HECTD4: variants seen among roughly 807,000 people sequenced by gnomAD.
The protein encoded by HECTD4 is HECT domain E3 ubiquitin protein ligase 4.
In HECTD4, 114 loss-of-function variants were observed where a neutral mutation model predicts 471.5. That is an observed-to-expected ratio of 0.24 (90% CI 0.21 to 0.28). The LOEUF is 0.28. HECTD4 is among the 10% of genes least tolerant of loss of function. The pLI is 1.00. For missense variants in HECTD4, 3,866 were observed against 5,651.5 expected (o/e 0.68, Z 10.13); for synonymous variants, 2,012 against 2,256.0 (o/e 0.89, Z 3.07).
intron 1 of HECTD4, among the ~76,000 whole-genome samples, chr12:112,336,997 G>A (rs2035969862): frequency 6.6e-6 from 1 of 152,182 alleles, no homozygotes; most frequent in Admixed American, 6.5e-5. Flanking sequence ...TAATGTAAAT[G>A]ACACACAAGA....
At chr12:112,377,272 T>TAA (rs898563634) in intron 1 of HECTD4, among the ~76,000 whole-genome samples, 32 of 143,084 alleles carry the variant, frequency 2.2e-4, no homozygotes, top group Non-Finnish European at 1.5e-5. Flanking sequence ...CCAACTCTAA[T>TAA]AAAAAAAAAA....
At chr12:112,309,722 T>A in intron 4 of HECTD4, 53 bp from the exon 5 acceptor site, 1 of 825,806 alleles carries the variant, frequency 1.2e-6, no homozygotes, top group Non-Finnish European at 1.9e-6. Flanking sequence ...CTATTGAAAT[T>A]ATAAACATGC....
At chr12:112,301,243 C>T (rs1239182636) in intron 7 of HECTD4, among the ~76,000 whole-genome samples, 4 of 151,004 alleles carry the variant, frequency 2.6e-5, no homozygotes, top group East Asian at 2.0e-4. Flanking sequence ...AGTGCAATAG[C>T]GCGATCTCAG....
At chr12:112,167,968 G>T in intron 70 of HECTD4, 51 bp from the exon 71 acceptor site, 1 of 1,377,636 alleles carries the variant, frequency 7.3e-7, no homozygotes, top group Non-Finnish European at 1.0e-6. Flanking sequence ...GGCGGGAGGC[G>T]ACACCGTTCC....
intron 1 of HECTD4, among the ~76,000 whole-genome samples, chr12:112,351,788 C>T (rs139324737): frequency 5.3e-5 from 8 of 152,294 alleles, no homozygotes; most frequent in East Asian, 1.9e-4. Flanking sequence ...GCATAAGTAC[C>T]TACGTAGTAA....
chr12:112,194,822 C>T lies in HECTD4; in HGVS notation c.8749+63G>A. The T allele has an allele frequency of 2.1e-6, 3 of 1,451,174 alleles. No homozygotes were observed. The highest frequency in any genetic ancestry group is 2.5e-5 in the South Asian group (2 of 79,966). 89.9% of individuals were successfully genotyped at this position (1,451,174 alleles called of 1,614,324 possible). A position where few individuals can be genotyped will look rare whatever the true frequency, so the allele number is the denominator to read the frequency against. ...CTCGCCCTCATGCAGGGAATGACTA[C>T]ACTGTGCACAGCGCCCGCCTGGTGC... On this transcript the variant is annotated intron_variant, in intron 56 of 75. Transcript: ENST00000682272. This position sits in a 1 kb window ranked among gnomAD's most constrained non-coding sequence, Gnocchi z 4.6.
rs2033472766 is a variant in HECTD4, at chr12:112,235,207, T to C, written c.5785A>G (p.Ser1929Gly). 6.2e-7 allele frequency: 1 copy of C among 1,613,928 alleles called. No individual in the cohort carries two copies. The highest frequency in any genetic ancestry group is 1.7e-5 in the Admixed American group (1 of 60,006). Residue 1929 changes from serine to glycine, a missense_variant, in exon 37 of 76, where the codon AGT becomes GGT. Physicochemically the swap from Ser to Gly is moderately conservative, Grantham distance 56. Coordinates refer to ENST00000682272, the MANE Select transcript of HECTD4 (RefSeq NM_001388303.1). The surrounding 1 kb of genome is among the most constrained non-coding windows in gnomAD (Gnocchi z 5.0). ...SEPDTTLTKT[S>G]PKNSLKGDKD... ...TCTCCTTTCAAGGAATTCTTGGGAC[T>C]GGTTTTTGTCAATGTGGTGTCAGGT...
chr12:112,235,383 G>A lies in HECTD4; in HGVS notation c.5726-117C>T. 6.8e-7 allele frequency: 1 copy of A among 1,480,940 alleles called. No homozygotes were observed. Among genetic ancestry groups the A allele is most frequent in the Non-Finnish European group, 9.1e-7 (1 of 1,097,670 alleles). The allele number at this position is 1,480,940 out of a possible 1,614,324, so 91.7% of individuals were successfully genotyped here. ...TCTTTCTTCCCCCTTCTCTATTCCTGTCCCCGCTCCCTTCTCTGTCACTCA... is the reference window on the plus strand; with the variant it reads ...TCTTTCTTCCCCCTTCTCTATTCCTATCCCCGCTCCCTTCTCTGTCACTCA... On this transcript the variant is annotated intron_variant, in intron 36 of 75. Transcript: ENST00000682272. This position sits in a 1 kb window ranked among gnomAD's most constrained non-coding sequence, Gnocchi z 5.0.
chr12:112,375,640 CT>C (rs1257079802), intron 1 of HECTD4, among the ~76,000 whole-genome samples: 1 of 152,114 alleles, frequency 6.6e-6, no homozygotes, highest in Non-Finnish European at 1.5e-5. Flanking sequence ...TCTTTTCCCC[CT>C]CTTAAATTCC....
In HECTD4 at chr12:112,283,250, A is replaced by G; in HGVS notation, c.1388T>C (p.Met463Thr). The change falls in exon 8 of 76, where the codon ATG becomes ACG. Residue 463 changes from methionine to threonine, a missense_variant. Physicochemically the swap from Met to Thr is moderately conservative, Grantham distance 81. Coordinates refer to ENST00000682272, the MANE Select transcript of HECTD4 (RefSeq NM_001388303.1). Reference sequence around the variant, plus strand: ...TTTGGCAGATTCGCCCTCTTTTCTCATTAGAATTGTACGTTCCTGAAGTGG... The same window carrying G: ...TTTGGCAGATTCGCCCTCTTTTCTCGTTAGAATTGTACGTTCCTGAAGTGG... ...ANPLQERTIL[M>T]RKEGESAKSI... 3 of 1,613,856 alleles carry G rather than the reference A, an allele frequency of 1.9e-6. No individual in the cohort carries two copies. The highest frequency in any genetic ancestry group is 2.5e-6 in the Non-Finnish European group (3 of 1,179,840).
Position 112,259,033 on chromosome 12 carries a change from T to C in HECTD4, c.3027+79A>G, listed in dbSNP as rs931728002. ...GAAAGGCAGGATTATGTTTATTCTG[T>C]CTTCAGTGAAAGCAAACAGCCATCC... On this transcript the variant is annotated intron_variant, in intron 19 of 75. Coordinates refer to ENST00000682272, the MANE Select transcript of HECTD4 (RefSeq NM_001388303.1). The C allele has an allele frequency of 2.8e-5, 35 of 1,257,510 alleles. No homozygotes were observed. In the African/African-American group the frequency reaches 4.6e-4, roughly 17 times the overall value. The allele number at this position is 1,257,510 out of a possible 1,614,324, so 77.9% of individuals were successfully genotyped here. A position where few individuals can be genotyped will look rare whatever the true frequency, so the allele number is the denominator to read the frequency against.
intron 1 of HECTD4, among the ~76,000 whole-genome samples, chr12:112,366,606 GA>G (rs1413702460): frequency 2.7e-5 from 4 of 150,776 alleles, no homozygotes; most frequent in Non-Finnish European, 4.4e-5. Context: ...AAAAGAAGAA[GA>G]AAAAAAAGAG....
At chr12:112,273,403 G>T (rs2135625427) in intron 11 of HECTD4, among the ~76,000 whole-genome samples, 1 of 152,128 alleles carries the variant, frequency 6.6e-6, no homozygotes, top group African/African-American at 2.4e-5. Context: ...TTTCAGGAAG[G>T]ACATAACAAT....
At chr12:112,192,495 C>G in intron 59 of HECTD4, 65 bp downstream of exon 59, 2 of 1,248,806 alleles carry the variant, frequency 1.6e-6, no homozygotes, top group Non-Finnish European at 2.2e-6. Context: ...ATTATAGCTT[C>G]AAAAAGAAGG....
At chr12:112,313,767 G>A (rs908362197) in intron 3 of HECTD4, among the ~76,000 whole-genome samples, 2 of 152,048 alleles carry the variant, frequency 1.3e-5, no homozygotes, top group Admixed American at 6.6e-5. Flanking sequence ...GTGATCACAC[G>A]CATGAGCCAT....
At chr12:112,217,507 C>A (rs896050025) in intron 45 of HECTD4, among the ~76,000 whole-genome samples, 2 of 152,118 alleles carry the variant, frequency 1.3e-5, no homozygotes, top group African/African-American at 4.8e-5. Flanking sequence ...GTGTGCATCA[C>A]CACACCCAGC....
rs758273849 is a variant in HECTD4 at position 112,262,515 on chromosome 12, C to CAAAAAAAAA, written c.2749-1095_2749-1087dup. Among the ~76,000 whole-genome samples, 27 of 19,760 alleles carry CAAAAAAAAA rather than the reference C, an allele frequency of 1.4e-3. 3 individuals carry two copies. Among genetic ancestry groups the CAAAAAAAAA allele is most frequent in the South Asian group, 5.8e-3 (2 of 346 alleles). The allele number at this position is 19,760 out of a possible 152,430, so 13.0% of individuals were successfully genotyped here. A position where few individuals can be genotyped will look rare whatever the true frequency, so the allele number is the denominator to read the frequency against. On this transcript the variant is annotated intron_variant, in intron 17 of 75. Transcript: ENST00000682272. ...TGGGCGACAAAGAGAGACTCCATCT[C>CAAAAAAAAA]AAAAAAAAAAAAAAAAAAAAAAAAA...
rs183483930 is a variant in HECTD4, at chr12:112,251,714, G to A, written c.3553-580C>T. ...ACCTCAAAGTCTAAAATACGTTTTC[G>A]GAATCAGGCAACTGGAGGGGTAAGT... On this transcript the variant is annotated intron_variant, in intron 23 of 75. Coordinates refer to ENST00000682272, the MANE Select transcript of HECTD4 (RefSeq NM_001388303.1). Among the ~76,000 whole-genome samples, 4 of 152,236 alleles carry A rather than the reference G, an allele frequency of 2.6e-5. No individual in the cohort carries two copies. The East Asian group carries it at 5.8e-4, about 22-fold the overall frequency.
intron 1 of HECTD4, among the ~76,000 whole-genome samples, chr12:112,321,137 C>T (rs2035577594): frequency 6.6e-6 from 1 of 150,654 alleles, no homozygotes; most frequent in Non-Finnish European, 1.5e-5. Flanking sequence ...AGCCACTATG[C>T]CTGGCAGCAT....
Sources: allele counts gnomAD v4.1 joint callset (sites outside exome capture counted in the v4.1 genomes callset), GRCh38; gene constraint gnomAD v4.1.1; non-coding constraint Gnocchi (gnomAD v3.1); transcripts MANE v1.5; gene names NCBI Gene and HGNC (gene_info 2026-07-23, HGNC 2026-07-21).